Variants in IGSF11 observed in about 807,000 individuals in gnomAD.
The protein encoded by IGSF11 is immunoglobulin superfamily member 11, also known as CXADR like 1.
In IGSF11, 22 loss-of-function variants were observed where a neutral mutation model predicts 41.0. The ratio of observed to expected loss-of-function variants is 0.54; its 90% confidence interval spans 0.38 to 0.77. The LOEUF (loss-of-function observed/expected upper bound fraction) is 0.77, where lower values mean the gene tolerates loss of function less well. Ranked by LOEUF, IGSF11 falls within the 30% of genes least tolerant of loss-of-function variation. The pLI, the probability that IGSF11 is intolerant of heterozygous loss-of-function variation, is 0.00. For synonymous variants in IGSF11, 219 were observed against 201.3 expected, an observed-to-expected ratio of 1.09 and a Z score of -0.74; for missense variants, 444 against 530.8, an observed-to-expected ratio of 0.84 and a Z score of 1.61.
chr3:119,025,722 T>C (rs1469947919), intron 1 of IGSF11, among the ~76,000 whole-genome samples: 1 of 151,952 alleles, frequency 6.6e-6, no homozygotes, highest in African/African-American at 2.4e-5. Flanking sequence ...GACAATGCTT[T>C]TTTTCTCTCC....
chr3:119,067,967 T>C (rs1210652144), intron 1 of IGSF11, among the ~76,000 whole-genome samples: 1 of 152,244 alleles, frequency 6.6e-6, no homozygotes, highest in Admixed American at 6.5e-5. Context: ...TACATACATC[T>C]TACCTGTTAG....
At chr3:119,001,552 T>C (rs1200461956) in intron 1 of IGSF11, among the ~76,000 whole-genome samples, 1 of 145,646 alleles carries the variant, frequency 6.9e-6, no homozygotes, top group Non-Finnish European at 1.5e-5. Flanking sequence ...ACATGTGCCA[T>C]GCTGGTGCGC....
At position 118,930,105 on chromosome 3, in the gene IGSF11, GAA is replaced by G; in HGVS notation, c.216+5_216+6del. The G allele has an allele frequency of 6.2e-7, 1 of 1,611,002 alleles. No individual in the cohort carries two copies. Among genetic ancestry groups the G allele is most frequent in the Non-Finnish European group, 8.5e-7 (1 of 1,178,404 alleles). On this transcript the variant is annotated splice_donor_5th_base_variant and intron_variant, in intron 2 of 6. Coordinates refer to ENST00000393775, the MANE Select transcript of IGSF11 (RefSeq NM_001015887.3). ...TTTAGAGGTAGCACAGGATGCAACA[GAA>G]ATACCTGTTCAGGTTGGTTGGCATT...
At chr3:118,994,374 G>A (rs1021486281) in intron 1 of IGSF11, among the ~76,000 whole-genome samples, 8 of 152,136 alleles carry the variant, frequency 5.3e-5, no homozygotes, top group African/African-American at 1.9e-4. Context: ...AGAAATAGTG[G>A]GGCTGGGCAC....
At chr3:119,024,300 T>C (rs1939607012) in intron 1 of IGSF11, among the ~76,000 whole-genome samples, 1 of 152,192 alleles carries the variant, frequency 6.6e-6, no homozygotes, top group Non-Finnish European at 1.5e-5. Flanking sequence ...CGAAAATGAA[T>C]CATGTTTAAA....
chr3:119,028,983 C>T (rs1339073929), intron 1 of IGSF11, among the ~76,000 whole-genome samples: 1 of 151,844 alleles, frequency 6.6e-6, no homozygotes, highest in Non-Finnish European at 1.5e-5. Flanking sequence ...CATGGGACCA[C>T]TCTGTACATT....
intron 1 of IGSF11, among the ~76,000 whole-genome samples, chr3:118,939,630 G>T (rs1264404793): frequency 6.6e-6 from 1 of 151,354 alleles, no homozygotes. Flanking sequence ...AAATCACAAG[G>T]AAGATTAGAA....
intron 1 of IGSF11, among the ~76,000 whole-genome samples, chr3:119,044,912 T>A (rs886247018): frequency 3.3e-5 from 5 of 152,082 alleles, no homozygotes; most frequent in Non-Finnish European, 1.5e-5. Flanking sequence ...GAGTTCTAAA[T>A]CTTGGAACAA....
At chr3:119,014,130 A>G (rs1938428541) in intron 1 of IGSF11, among the ~76,000 whole-genome samples, 1 of 152,190 alleles carries the variant, frequency 6.6e-6, no homozygotes, top group Non-Finnish European at 1.5e-5. Context: ...CCCCTCGGGT[A>G]ATTTACATTT....
chr3:118,912,227 G>A (rs1216755148), intron 4 of IGSF11, among the ~76,000 whole-genome samples: 1 of 152,144 alleles, frequency 6.6e-6, no homozygotes, highest in African/African-American at 2.4e-5. Context: ...AAGTCAGAAG[G>A]GAGGTGTTTT....
At chr3:118,961,853 A>G (rs904732797) in intron 1 of IGSF11, among the ~76,000 whole-genome samples, 3 of 152,270 alleles carry the variant, frequency 2.0e-5, no homozygotes, top group African/African-American at 7.2e-5. Context: ...TATGTGCCCA[A>G]TAATTGCCAT....
At chr3:119,058,737 A>G (rs1170575471) in intron 1 of IGSF11, among the ~76,000 whole-genome samples, 4 of 152,162 alleles carry the variant, frequency 2.6e-5, no homozygotes, top group Non-Finnish European at 5.9e-5. Context: ...ATGTCCAACA[A>G]TGATAGACTG....
intron 1 of IGSF11, among the ~76,000 whole-genome samples, chr3:118,978,163 G>A (rs1934329414): frequency 1.3e-5 from 2 of 152,154 alleles, no homozygotes; most frequent in African/African-American, 2.4e-5. Context: ...CAGGAGCTTG[G>A]AGACTGCCTG....
intron 1 of IGSF11, among the ~76,000 whole-genome samples, chr3:118,954,982 A>G (rs1371158844): frequency 6.6e-6 from 1 of 152,184 alleles, no homozygotes; most frequent in African/African-American, 2.4e-5. Flanking sequence ...CCACTATGGA[A>G]AACAGTGTGG....
chr3:118,927,929 T>C (rs1407108773), intron 3 of IGSF11, among the ~76,000 whole-genome samples: 1 of 152,140 alleles, frequency 6.6e-6, no homozygotes, highest in East Asian at 1.9e-4. Flanking sequence ...CTAAACGTTG[T>C]TGTTTATTTT....
chr3:119,059,937 G>A (rs1942001154), intron 1 of IGSF11, among the ~76,000 whole-genome samples: 1 of 152,128 alleles, frequency 6.6e-6, no homozygotes, highest in African/African-American at 2.4e-5. Context: ...ATAAAAGAAG[G>A]AAGAGATGAA....
chr3:119,001,686 T>C (rs1936887714), intron 1 of IGSF11, among the ~76,000 whole-genome samples: 1 of 146,982 alleles, frequency 6.8e-6, no homozygotes, highest in South Asian at 2.2e-4. Context: ...GTGATCTCAT[T>C]GTTCAATTCC....
intron 1 of IGSF11, among the ~76,000 whole-genome samples, chr3:118,948,693 T>C (rs1205989179): frequency 1.3e-5 from 2 of 152,006 alleles, no homozygotes; most frequent in Admixed American, 6.6e-5. Context: ...AGGCCGGGCG[T>C]GATGGCTCAC....
chr3:118,977,700 C>T (rs556041183), intron 1 of IGSF11, among the ~76,000 whole-genome samples: 1 of 152,288 alleles, frequency 6.6e-6, no homozygotes, highest in African/African-American at 2.4e-5. Context: ...TGGACTACAA[C>T]AATCCTAGCC....
Sources: gnomAD v4.1 joint callset for allele counts (sites outside exome capture counted in the v4.1 genomes callset) on GRCh38, gnomAD v4.1.1 for gene constraint, MANE v1.5 for transcripts, NCBI Gene and HGNC (gene_info 2026-07-23, HGNC 2026-07-21) for gene names.